PCNX4: variants seen among roughly 807,000 people sequenced by gnomAD.
The protein encoded by PCNX4 is pecanex-like protein 4.
Under a neutral mutation model 107.2 loss-of-function variants are expected in PCNX4, and 103 were observed. The ratio of observed to expected loss-of-function variants is 0.96; its 90% CI spans 0.82 to 1.13. The LOEUF is 1.13. Ranked by LOEUF, PCNX4 falls within the 50% of genes most tolerant of loss-of-function variation. The probability of loss-of-function intolerance (pLI) is 0.00; values close to 1 mark genes in which losing one functional copy is unlikely to be tolerated. For missense variants in PCNX4, 1,528 were observed against 1,379.4 expected, an observed-to-expected ratio of 1.11 and a Z score of -1.71; for synonymous variants, 541 against 481.7, an observed-to-expected ratio of 1.12 and a Z score of -1.61.
At chr14:60,101,780 A>G (rs1314557068) in intron 1 of PCNX4, among the ~76,000 whole-genome samples, 1 of 152,248 alleles carries the variant, frequency 6.6e-6, no homozygotes, top group East Asian at 1.9e-4. Flanking sequence ...TGAAATCAAG[A>G]TAAAAGTGAT....
intron 1 of PCNX4, among the ~76,000 whole-genome samples, chr14:60,093,639 C>A (rs1387245315): frequency 6.6e-6 from 1 of 152,108 alleles, no homozygotes; most frequent in Non-Finnish European, 1.5e-5. Context: ...AATATTTCTT[C>A]TATGAATCTT....
At chr14:60,129,732 G>T (rs893929200) in intron 10 of PCNX4, among the ~76,000 whole-genome samples, 1 of 152,202 alleles carries the variant, frequency 6.6e-6, no homozygotes, top group Non-Finnish European at 1.5e-5. Context: ...GAACTAGAAC[G>T]TTGTAAGAGT....
Position 60,148,194 on chromosome 14 carries a change from G to C in PCNX4, c.*13973G>C, listed in dbSNP as rs938905951. On this transcript the variant is annotated 3_prime_UTR_variant, in exon 11 of 11. Transcript: ENST00000406854. The surrounding 1 kb of genome is among the most constrained non-coding windows in gnomAD (Gnocchi z 4.8). ...TAATTCATTTTCACTGTCCTGCAAA[G>C]AGTTGGAATAAATTAAATGTCTAAC... 9.8e-5 allele frequency: 15 copies of C among 152,338 alleles called. 1 individual carries two copies. Among genetic ancestry groups the C allele is most frequent in the Admixed American group, 6.5e-4 (10 of 15,300 alleles). 9.4% of individuals were successfully genotyped at this position (152,338 alleles called of 1,614,324 possible).
At position 60,125,298 on chromosome 14, in the gene PCNX4, A is replaced by G. The variant is rs781669768; in HGVS notation, c.3080+47A>G. ...TAAGTTATAACATTGTTGGAAAAAT[A>G]CTGATTTTTCTAAATCACGTACAAG... On this transcript the variant is annotated intron_variant, in intron 9 of 10. Coordinates refer to ENST00000406854, the MANE Select transcript of PCNX4 (RefSeq NM_001330177.2). 4 of 1,422,808 alleles carry G rather than the reference A, an allele frequency of 2.8e-6. No homozygotes were observed. The South Asian group carries it at 6.4e-5, about 23-fold the overall frequency. 88.1% of individuals were successfully genotyped at this position (1,422,808 alleles called of 1,614,324 possible).
Position 60,134,321 on chromosome 14 carries a change from C to G in PCNX4, c.*100C>G, listed in dbSNP as rs1399522833. 1.4e-5 allele frequency: 19 copies of G among 1,398,514 alleles called. No homozygotes were observed. Among genetic ancestry groups the G allele is most frequent in the Non-Finnish European group, 1.7e-5 (17 of 1,020,554 alleles). The allele number at this position is 1,398,514 out of a possible 1,614,324, so 86.6% of individuals were successfully genotyped here. A position where few individuals can be genotyped will look rare whatever the true frequency, so the allele number is the denominator to read the frequency against. ...GTAACTTGAGGACTTCTCCACACCC[C>G]CATTCAGATGCCTGAGAACAGCTAA... On this transcript the variant is annotated 3_prime_UTR_variant, in exon 11 of 11. Coordinates refer to ENST00000406854, the MANE Select transcript of PCNX4 (RefSeq NM_001330177.2).
Position 60,125,710 on chromosome 14 carries a change from C to G in PCNX4, c.3154C>G (p.Leu1052Val). Residue 1052 changes from leucine to valine, a missense_variant, in exon 10 of 11, where the codon CTT (leucine) becomes GTT (valine). Transcript: ENST00000406854. The part of the protein sequence containing the change: ...IEDFRELIKY[L>V]EEYERDWYIG... ...AGACTTTAGAGAACTGATTAAGTAC[C>G]TTGAAGAATATGAACGTGACTGGTA... The G allele has an allele frequency of 6.2e-7, 1 of 1,607,808 alleles. No individual in the cohort carries two copies. The highest frequency in any genetic ancestry group is 8.5e-7 in the Non-Finnish European group (1 of 1,176,868).
chr14:60,124,409 A>T lies in PCNX4; in HGVS notation c.2238A>T (p.Ile746=). 2 of 1,613,588 alleles carry T rather than the reference A, an allele frequency of 1.2e-6. No homozygotes were observed. Among genetic ancestry groups the T allele is most frequent in the Non-Finnish European group, 1.7e-6 (2 of 1,179,678 alleles). The change falls in exon 9 of 11, where the codon ATA becomes ATT. Residue 746 remains isoleucine (I), a synonymous_variant. Transcript: ENST00000406854. ...ATGCCAGGAATGTTCTATCAGGCATAATTGATTCTCATGAAAACTTAAAAG... is the reference window on the plus strand; with the variant it reads ...ATGCCAGGAATGTTCTATCAGGCATTATTGATTCTCATGAAAACTTAAAAG... ...YSDARNVLSG[I]IDSHENLKEF...
intron 10 of PCNX4, among the ~76,000 whole-genome samples, chr14:60,132,825 G>C (rs1896179521): frequency 6.6e-6 from 1 of 152,132 alleles, no homozygotes; most frequent in Admixed American, 6.5e-5. Flanking sequence ...GGATGTACAA[G>C]TTGCCAATAA....
chr14:60,132,369 A>C (rs954458120), intron 10 of PCNX4, among the ~76,000 whole-genome samples: 1 of 152,200 alleles, frequency 6.6e-6, no homozygotes, highest in African/African-American at 2.4e-5. Context: ...CAAAGTACCC[A>C]TTCCAAATAA....
chr14:60,109,270 G>C (rs1031248995), intron 2 of PCNX4: 1 of 167,100 alleles, frequency 6.0e-6, no homozygotes. Flanking sequence ...AAAGTAAATT[G>C]ATGTTGTTTA....
chr14:60,103,463 C>G (rs1895571381), intron 1 of PCNX4, among the ~76,000 whole-genome samples: 1 of 152,172 alleles, frequency 6.6e-6, no homozygotes, highest in Non-Finnish European at 1.5e-5. Flanking sequence ...CCACAGACCC[C>G]TTTTCAAGGT....
chr14:60,092,378 C>G lies in PCNX4; in HGVS notation c.-95C>G, dbSNP rs1566926978. On this transcript the variant is annotated 5_prime_UTR_variant, in exon 1 of 11. Coordinates refer to ENST00000406854, the MANE Select transcript of PCNX4 (RefSeq NM_001330177.2). ...GAGTTTACCTGCAAAAATGCGGTCCCTGGGATGCCTTCGCGTCTTCTCTTC... is the reference window on the plus strand; with the variant it reads ...GAGTTTACCTGCAAAAATGCGGTCCGTGGGATGCCTTCGCGTCTTCTCTTC... 6.6e-6 allele frequency: 1 copy of G among 152,300 alleles called. No individual in the cohort carries two copies. Among genetic ancestry groups the G allele is most frequent in the Non-Finnish European group, 1.5e-5 (1 of 68,070 alleles). 9.4% of individuals were successfully genotyped at this position (152,300 alleles called of 1,614,324 possible).
At chr14:60,129,038 C>T (rs1289855908) in intron 10 of PCNX4, among the ~76,000 whole-genome samples, 1 of 150,638 alleles carries the variant, frequency 6.6e-6, no homozygotes, top group Non-Finnish European at 1.5e-5. Flanking sequence ...CATGGTGAAA[C>T]CTTGTCTCTA....
intron 1 of PCNX4, among the ~76,000 whole-genome samples, chr14:60,093,645 A>G (rs1248602414): frequency 6.6e-6 from 1 of 152,120 alleles, no homozygotes; most frequent in Admixed American, 6.5e-5. Flanking sequence ...TCTTCTATGA[A>G]TCTTTTGTGT....
In PCNX4 at chr14:60,121,218, T is replaced by A; in HGVS notation, c.1965T>A (p.His655Gln). 3.1e-6 allele frequency: 5 copies of A among 1,599,562 alleles called. No individual in the cohort carries two copies. The highest frequency in any genetic ancestry group is 4.3e-6 in the Non-Finnish European group (5 of 1,171,118). ...GSLGLLLPGSHYLGRFQDRLM... is the reference protein window; with the variant it reads ...GSLGLLLPGSQYLGRFQDRLM... ...TAGGTCTCCTCCTACCTGGATCTCA[T>A]TACTTGGGCCGTTTTCAGGATCGTT... The change falls in exon 8 of 11, where the codon CAT (histidine) becomes CAA (glutamine). Residue 655 changes from histidine to glutamine, a missense_variant. Coordinates refer to ENST00000406854, the MANE Select transcript of PCNX4 (RefSeq NM_001330177.2).
chr14:60,108,530 T>G, intron 2 of PCNX4: 1 of 390,302 alleles, frequency 2.6e-6, no homozygotes. Context: ...TATTAAAGAG[T>G]TTTTTTAAAA....
At chr14:60,129,878 A>T (rs1595179513) in intron 10 of PCNX4, among the ~76,000 whole-genome samples, 2 of 152,220 alleles carry the variant, frequency 1.3e-5, no homozygotes, top group Admixed American at 1.3e-4. Context: ...TTTAAATGGC[A>T]TATTACAAAA....
chr14:60,114,706 G>A lies in PCNX4; in HGVS notation c.696G>A (p.Val232=). 2 of 1,608,576 alleles carry A rather than the reference G, an allele frequency of 1.2e-6. No individual in the cohort carries two copies. Among genetic ancestry groups the A allele is most frequent in the Non-Finnish European group, 8.5e-7 (1 of 1,176,852 alleles). ...FVSVDLAHRF[V]VNMPALEHMN... is the part of the protein sequence containing the mutation. ...GTTCTTTTTTTTTATATAGGTTTGT[G>A]GTAAATATGCCAGCTCTAGAACACA... is the stretch of plus-strand genomic sequence containing the variant. The change falls in exon 3 of 11, where the codon GTG becomes GTA. Residue 232 remains valine (V), a synonymous_variant. Transcript: ENST00000406854.
Position 60,114,811 on chromosome 14 carries a change from TCTC to T in PCNX4, c.802_804del (p.Leu269del). The stretch of plus-strand genomic sequence containing the variant: ...GGACTCTGCCCCCACCCGATGCACT[TCTC>T]TTATGGGCAATGGAGCAGGTTTTAG... On this transcript the variant is annotated inframe_deletion, in exon 3 of 11. Coordinates refer to ENST00000406854, the MANE Select transcript of PCNX4 (RefSeq NM_001330177.2). The T allele has an allele frequency of 6.2e-7, 1 of 1,613,924 alleles. No homozygotes were observed. The highest frequency in any genetic ancestry group is 1.7e-5 in the Admixed American group (1 of 60,012).
Sources: gnomAD v4.1 joint callset for allele counts (sites outside exome capture counted in the v4.1 genomes callset) on GRCh38, gnomAD v4.1.1 for gene constraint, Gnocchi (gnomAD v3.1) non-coding constraint, MANE v1.5 for transcripts, NCBI Gene and HGNC (gene_info 2026-07-23, HGNC 2026-07-21) for gene names.